IGSF21: variants seen among roughly 807,000 people sequenced by gnomAD.
IGSF21 encodes the protein immunoglobulin superfamily member 21.
Under a neutral mutation model 46.8 loss-of-function variants are expected in IGSF21, and 28 were observed. The observed-to-expected ratio is 0.60, with a 90% CI of 0.44 to 0.82. The LOEUF is 0.82. Ranked by LOEUF, IGSF21 falls within the 40% of genes least tolerant of loss-of-function variation. The pLI is 0.00. For synonymous variants in IGSF21, 284 were observed against 273.6 expected (o/e 1.04, Z -0.38); for missense variants, 624 against 665.5 (o/e 0.94, Z 0.69).
At chr1:18,145,287 C>A (rs182642486) in intron 1 of IGSF21, among the ~76,000 whole-genome samples, 3 of 152,244 alleles carry the variant, frequency 2.0e-5, no homozygotes, top group Admixed American at 2.0e-4. Context: ...GTGTGGGTAT[C>A]TGAAAGCTGC....
chr1:18,304,331 G>C (rs747498697), intron 3 of IGSF21, among the ~76,000 whole-genome samples: 1 of 152,144 alleles, frequency 6.6e-6, no homozygotes, highest in East Asian at 1.9e-4. Context: ...AACACAGGGC[G>C]GGGGAGAAGT....
At chr1:18,270,718 C>A (rs1337297372) in intron 2 of IGSF21, among the ~76,000 whole-genome samples, 1 of 152,148 alleles carries the variant, frequency 6.6e-6, no homozygotes, top group African/African-American at 2.4e-5. Flanking sequence ...GCCCTTCGTG[C>A]AGACCCCACC....
At chr1:18,183,475 C>A (rs2086875339) in intron 1 of IGSF21, among the ~76,000 whole-genome samples, 1 of 152,210 alleles carries the variant, frequency 6.6e-6, no homozygotes, top group Non-Finnish European at 1.5e-5. Context: ...CCTTGTGCAT[C>A]TGGTACCCAT....
At chr1:18,249,295 T>C (rs1420830871) in intron 2 of IGSF21, among the ~76,000 whole-genome samples, 1 of 151,974 alleles carries the variant, frequency 6.6e-6, no homozygotes, top group East Asian at 1.9e-4. Flanking sequence ...GGGCTCCAGG[T>C]TGAGGGCAGC....
At chr1:18,132,046 T>G (rs950719566) in intron 1 of IGSF21, among the ~76,000 whole-genome samples, 11 of 152,226 alleles carry the variant, frequency 7.2e-5, no homozygotes, top group Non-Finnish European at 1.3e-4. Flanking sequence ...GCTTTACCCC[T>G]TCTGTGAAAT....
chr1:18,188,488 A>C (rs929911818), intron 1 of IGSF21, among the ~76,000 whole-genome samples: 8 of 152,204 alleles, frequency 5.3e-5, no homozygotes, highest in Non-Finnish European at 1.2e-4. Flanking sequence ...TCACAAAGTA[A>C]AATATAAATA....
chr1:18,146,971 T>C (rs9660257), intron 1 of IGSF21, among the ~76,000 whole-genome samples: 16,050 of 152,142 alleles, frequency 0.11, 1,441 homozygotes, highest in African/African-American at 0.24. Context: ...CCTGATTCCT[T>C]GTCTGCCCTT....
Position 18,269,775 on chromosome 1 carries a change from C to A in IGSF21, c.184-22091C>A, listed in dbSNP as rs1426379367. Among the ~76,000 whole-genome samples, 7 of 152,192 alleles carry A rather than the reference C, an allele frequency of 4.6e-5. 1 individual carries two copies. Among genetic ancestry groups the A allele is most frequent in the Non-Finnish European group, 7.4e-5 (5 of 68,022 alleles). ...TCTCCAATGGTGATCTCGGACCTTT[C>A]TTTCCCCGCAGGGCCCCTTGAGAAA... On this transcript the variant is annotated intron_variant, in intron 2 of 9. Transcript: ENST00000251296.
rs550160706 is a variant in IGSF21, at chr1:18,156,527, C to T, written c.70+48329C>T. ...AAAGCAACAACAAAGCCACTGTCCC[C>T]GTCCCCAGCCCCAACCAAGTTCACT... On this transcript the variant is annotated intron_variant, in intron 1 of 9. Transcript: ENST00000251296. 4.6e-5 allele frequency among the ~76,000 whole-genome samples: 7 copies of T among 152,362 alleles called. No homozygotes were observed. In the East Asian group the frequency reaches 1.3e-3, roughly 29 times the overall value.
intron 1 of IGSF21, chr1:18,167,747 C>T (rs1051529881): frequency 2.7e-4 from 41 of 152,162 alleles, no homozygotes; most frequent in African/African-American, 9.7e-4. Flanking sequence ...GGGACCTCAC[C>T]TCCATCCCCA....
chr1:18,198,847 A>G (rs1262923181), intron 1 of IGSF21, among the ~76,000 whole-genome samples: 1 of 152,168 alleles, frequency 6.6e-6, no homozygotes, highest in Non-Finnish European at 1.5e-5. Flanking sequence ...TGGGAGTAAT[A>G]GGCTTTGTTA....
At chr1:18,285,537 C>G (rs1177195458) in intron 2 of IGSF21, among the ~76,000 whole-genome samples, 1 of 152,128 alleles carries the variant, frequency 6.6e-6, no homozygotes, top group Non-Finnish European at 1.5e-5. Context: ...CCTCATGGAA[C>G]ATTTAGGGAA....
intron 1 of IGSF21, among the ~76,000 whole-genome samples, chr1:18,185,467 T>A (rs1028043091): frequency 6.6e-6 from 1 of 152,226 alleles, no homozygotes; most frequent in South Asian, 2.1e-4. Flanking sequence ...AGGATCCACA[T>A]GAATTTGTAA....
chr1:18,196,483 G>T (rs1011727615), intron 1 of IGSF21, among the ~76,000 whole-genome samples: 8 of 152,196 alleles, frequency 5.3e-5, no homozygotes, highest in Non-Finnish European at 7.3e-5. Context: ...ATACTTAGAT[G>T]TCAGCAGGAG....
At chr1:18,328,914 A>T (rs911625252) in intron 3 of IGSF21, among the ~76,000 whole-genome samples, 7 of 152,140 alleles carry the variant, frequency 4.6e-5, no homozygotes, top group Admixed American at 1.3e-4. Context: ...TGTGCACAGG[A>T]CTTGCTCAGC....
At position 18,247,226 on chromosome 1, in the gene IGSF21, G is replaced by C. The variant is rs147201707; in HGVS notation, c.183+19216G>C. Among the ~76,000 whole-genome samples, 26 of 152,134 alleles carry C rather than the reference G, an allele frequency of 1.7e-4. No homozygotes were observed. The East Asian group carries it at 4.5e-3, about 26-fold the overall frequency. On this transcript the variant is annotated intron_variant, in intron 2 of 9. Coordinates refer to ENST00000251296, the MANE Select transcript of IGSF21 (RefSeq NM_032880.5). ...GGGATGTGAACCTTCCACTTCACAGGGGCTGCCAGCCTTGGTGACCCCAGG... is the reference window on the plus strand; with the variant it reads ...GGGATGTGAACCTTCCACTTCACAGCGGCTGCCAGCCTTGGTGACCCCAGG...
intron 2 of IGSF21, 30 bp from the exon 3 acceptor site, chr1:18,291,836 A>G (rs758125479): frequency 1.2e-6 from 2 of 1,611,252 alleles, no homozygotes; most frequent in African/African-American, 2.7e-5. Context: ...TTGAGCACTC[A>G]CGTGTGGCTA....
intron 1 of IGSF21, among the ~76,000 whole-genome samples, chr1:18,188,483 A>G (rs1024140282): frequency 6.6e-6 from 1 of 152,218 alleles, no homozygotes; most frequent in African/African-American, 2.4e-5. Context: ...CATCCTCACA[A>G]AGTAAAATAT....
At chr1:18,237,403 A>C (rs1024953676) in intron 2 of IGSF21, among the ~76,000 whole-genome samples, 14 of 152,162 alleles carry the variant, frequency 9.2e-5, no homozygotes, top group Non-Finnish European at 1.6e-4. Flanking sequence ...CAAGTTGTTA[A>C]GTTCTGTTTC....
Sources: allele counts gnomAD v4.1 joint callset (sites outside exome capture counted in the v4.1 genomes callset), GRCh38; gene constraint gnomAD v4.1.1; transcripts MANE v1.5; gene names NCBI Gene and HGNC (gene_info 2026-07-23, HGNC 2026-07-21).